ZC3H12B: variants seen among roughly 807,000 people sequenced by gnomAD.
The protein encoded by ZC3H12B is probable ribonuclease ZC3H12B.
In ZC3H12B, 7 loss-of-function variants were observed where a neutral mutation model predicts 43.9. That is an observed-to-expected ratio of 0.16 (90% CI 0.09 to 0.30). The LOEUF (loss-of-function observed/expected upper bound fraction) is 0.30. ZC3H12B is among the 10% of genes least tolerant of loss of function. The probability of loss-of-function intolerance (pLI) is 1.00; values close to 1 mark genes in which losing one functional copy is unlikely to be tolerated. For missense variants in ZC3H12B, 475 were observed against 670.2 expected, an observed-to-expected ratio of 0.71 and a Z score of 3.22; for synonymous variants, 222 against 241.7, an observed-to-expected ratio of 0.92 and a Z score of 0.76.
the ZC3H12B span, among the ~76,000 whole-genome samples, chrX:65,326,588 TAG>T: frequency 3.0e-4 from 33 of 109,391 alleles, 2 homozygotes; most frequent in Non-Finnish European, 4.6e-4. Flanking sequence ...GACCTAGTGT[TAG>T]ATAGATTGTC....
chrX:65,177,085 C>T, the ZC3H12B span, among the ~76,000 whole-genome samples: 1 of 112,320 alleles, frequency 8.9e-6, no homozygotes, highest in Admixed American at 9.5e-5. Context: ...CCACCATGAT[C>T]AAGTCGGCTT....
chrX:65,327,279 A>G, the ZC3H12B span, among the ~76,000 whole-genome samples: 1 of 111,598 alleles, frequency 9.0e-6, no homozygotes, highest in Admixed American at 9.6e-5. Context: ...ATAGATCTAT[A>G]TCTGTATCTA....
At chrX:65,360,568 C>A in the ZC3H12B span, among the ~76,000 whole-genome samples, 1 of 111,752 alleles carries the variant, frequency 8.9e-6, no homozygotes, top group African/African-American at 3.2e-5. Context: ...GGATATAGAG[C>A]AATTAGAACT....
chrX:65,501,734 G>T, intron 4 of ZC3H12B, 55 bp from the exon 10 acceptor site: 2 of 1,061,735 alleles, frequency 1.9e-6, no homozygotes, highest in Non-Finnish European at 2.5e-6. Flanking sequence ...ACAGTTTTTG[G>T]CACAGAGGGT....
At chrX:65,425,670 AG>A (rs2067072403) in intron 3 of ZC3H12B, among the ~76,000 whole-genome samples, 2 of 111,515 alleles carry the variant, frequency 1.8e-5, no homozygotes, top group South Asian at 3.8e-4. Context: ...TTTAACACGA[AG>A]GGATGTTGAA....
At chrX:65,367,677 A>G (rs1486000382) in intron 1 of ZC3H12B, among the ~76,000 whole-genome samples, 1 of 111,550 alleles carries the variant, frequency 9.0e-6, no homozygotes, top group Non-Finnish European at 1.9e-5. Context: ...CCCTTTCATT[A>G]TCTTTCTAAA....
chrX:65,359,743 G>A, the ZC3H12B span, among the ~76,000 whole-genome samples: 2 of 112,394 alleles, frequency 1.8e-5, no homozygotes, highest in Admixed American at 1.9e-4. Context: ...GAGCATTGTT[G>A]AAATTACAAC....
chrX:65,382,008 G>GA (rs1279534675), intron 2 of ZC3H12B, among the ~76,000 whole-genome samples: 141 of 111,542 alleles, frequency 1.3e-3, no homozygotes, highest in African/African-American at 4.4e-3. Context: ...ATTCACAGCC[G>GA]ATTCTACCAG....
intron 3 of ZC3H12B, among the ~76,000 whole-genome samples, chrX:65,426,392 CAAAAAAAA>C (rs58910748): frequency 2.6e-3 from 111 of 42,194 alleles, no homozygotes; most frequent in African/African-American, 6.5e-3. Context: ...TAATTATTTC[CAAAAAAAA>C]AAAAAAAAAA....
At chrX:65,342,003 C>T in the ZC3H12B span, among the ~76,000 whole-genome samples, 2 of 111,015 alleles carry the variant, frequency 1.8e-5, no homozygotes, top group Admixed American at 9.6e-5. Context: ...CAATAATATG[C>T]TGTCTTCAAC....
chrX:65,366,174 A>G (rs112632958), upstream of ZC3H12B, among the ~76,000 whole-genome samples: 1,697 of 108,528 alleles, frequency 0.016, 47 homozygotes, highest in African/African-American at 0.054. Flanking sequence ...ATGAAAGAAA[A>G]AAAAAGCCCA....
chrX:65,062,987 T>C, the ZC3H12B span, among the ~76,000 whole-genome samples: 1 of 111,972 alleles, frequency 8.9e-6, no homozygotes, highest in African/African-American at 3.2e-5. Flanking sequence ...TTAGAAATGC[T>C]TGTGATTTTT....
chrX:65,469,395 A>T, intron 3 of ZC3H12B: 1 of 457,359 alleles, frequency 2.2e-6, no homozygotes, highest in East Asian at 4.1e-5. Context: ...CTTTGGCACC[A>T]TCAAGCTCAA....
At chrX:65,109,948 C>T in the ZC3H12B span, among the ~76,000 whole-genome samples, 1 of 111,339 alleles carries the variant, frequency 9.0e-6, no homozygotes, top group South Asian at 3.7e-4. Flanking sequence ...AGCAATGATG[C>T]TGAGCATCTT....
chrX:65,317,755 G>A, the ZC3H12B span, among the ~76,000 whole-genome samples: 1 of 101,223 alleles, frequency 9.9e-6, no homozygotes, highest in African/African-American at 3.6e-5. Flanking sequence ...GTGTGTGTGT[G>A]TATACACACA....
chrX:65,218,027 G>T, the ZC3H12B span, among the ~76,000 whole-genome samples: 1 of 111,998 alleles, frequency 8.9e-6, no homozygotes, highest in Non-Finnish European at 1.9e-5. Flanking sequence ...TAATAATCAA[G>T]CTCTCAAAGA....
the ZC3H12B span, among the ~76,000 whole-genome samples, chrX:65,163,585 T>C: frequency 9.0e-6 from 1 of 111,454 alleles, no homozygotes. Flanking sequence ...ATGTGCGGGA[T>C]ATAATCTCCT....
chrX:65,407,328 G>A (rs867321008), intron 3 of ZC3H12B, among the ~76,000 whole-genome samples: 2 of 115 alleles, frequency 0.017, no homozygotes, highest in African/African-American at 0.071. Context: ...GTCGGGCCCG[G>A]AGGTTTGTGC....
At chrX:65,328,176 A>T in the ZC3H12B span, 2 of 217,752 alleles carry the variant, frequency 9.2e-6, no homozygotes, top group East Asian at 1.2e-4. Flanking sequence ...CTCAGTAGAT[A>T]TGGCACTTTA....
Sources: gnomAD v4.1 joint callset for allele counts (sites outside exome capture counted in the v4.1 genomes callset) on GRCh38, gnomAD v4.1.1 for gene constraint, MANE v1.5 for transcripts, NCBI Gene and HGNC (gene_info 2026-07-23, HGNC 2026-07-21) for gene names.